The following NCAM2 variants were observed in gnomAD, a reference collection of about 807,000 sequenced individuals.
The protein encoded by NCAM2 is N-CAM-2.
NCAM2 carries 30 observed loss-of-function variants against 98.1 expected under a neutral mutation model. That is an observed-to-expected ratio of 0.31 (90% confidence interval 0.23 to 0.41). NCAM2 has a LOEUF of 0.41. Among genes scored for constraint, NCAM2 ranks in the 10% least tolerant of loss-of-function variants. NCAM2 has a pLI of 1.00. For synonymous variants in NCAM2, 368 were observed against 342.4 expected, an observed-to-expected ratio of 1.07 and a Z score of -0.83; for missense variants, 867 against 1,005.8, an observed-to-expected ratio of 0.86 and a Z score of 1.87.
rs1232212990 is a variant in NCAM2, at chr21:21,500,468, T to C, written c.2078-8383T>C. On this transcript the variant is annotated intron_variant, in intron 15 of 17. Coordinates refer to ENST00000400546, the MANE Select transcript of NCAM2 (RefSeq NM_004540.5). ...GAAATAGTGTTACATTGTGCTCGGATTGCTAGTATCAGTGGTTCCATATAA... is the reference window on the plus strand; with the variant it reads ...GAAATAGTGTTACATTGTGCTCGGACTGCTAGTATCAGTGGTTCCATATAA... 4.6e-5 allele frequency among the ~76,000 whole-genome samples: 7 copies of C among 152,154 alleles called. No homozygotes were observed. The East Asian group carries it at 1.3e-3, about 29-fold the overall frequency.
intron 1 of NCAM2, among the ~76,000 whole-genome samples, chr21:21,095,112 T>TA (rs1176327314): frequency 6.6e-6 from 1 of 151,718 alleles, no homozygotes; most frequent in Non-Finnish European, 1.5e-5. Flanking sequence ...GGTTATGGCT[T>TA]ATGTTTTTAA....
chr21:21,355,425 G>T (rs2075445277), intron 8 of NCAM2, among the ~76,000 whole-genome samples: 1 of 132,026 alleles, frequency 7.6e-6, no homozygotes, highest in African/African-American at 2.9e-5. Context: ...TCCTGCCACT[G>T]CACTCCAGCC....
At chr21:21,467,100 A>G (rs901306215) in intron 13 of NCAM2, among the ~76,000 whole-genome samples, 1 of 151,892 alleles carries the variant, frequency 6.6e-6, no homozygotes, top group African/African-American at 2.4e-5. Flanking sequence ...AGGCCTGACT[A>G]TTGACCTTGT....
At chr21:21,392,701 G>C (rs1000312358) in intron 9 of NCAM2, among the ~76,000 whole-genome samples, 1 of 152,188 alleles carries the variant, frequency 6.6e-6, no homozygotes, top group Non-Finnish European at 1.5e-5. Context: ...CTAATGATCA[G>C]TGATATTGAG....
intron 12 of NCAM2, among the ~76,000 whole-genome samples, chr21:21,456,022 C>A (rs1011538636): frequency 6.6e-6 from 1 of 152,040 alleles, no homozygotes; most frequent in Non-Finnish European, 1.5e-5. Context: ...GAAACAAAAA[C>A]CTGCCTAGTG....
At chr21:21,389,729 A>G (rs2076341127) in intron 9 of NCAM2, among the ~76,000 whole-genome samples, 1 of 152,130 alleles carries the variant, frequency 6.6e-6, no homozygotes, top group Admixed American at 6.6e-5. Context: ...TTTCGTCTAT[A>G]TTGCTGCAAA....
At position 21,177,573 on chromosome 21, in the gene NCAM2, A is replaced by G. The variant is rs142651198; in HGVS notation, c.56-103005A>G. On this transcript the variant is annotated intron_variant, in intron 1 of 17. Transcript: ENST00000400546. ...TCTATGAATAGCACATGTCACATATATATATTTAAAGTCAGTAAAGTGAAA... is the reference window on the plus strand; with the variant it reads ...TCTATGAATAGCACATGTCACATATGTATATTTAAAGTCAGTAAAGTGAAA... Among the ~76,000 whole-genome samples the G allele has an allele frequency of 1.4e-4, 21 of 152,204 alleles. No individual in the cohort carries two copies. In the East Asian group the frequency reaches 3.7e-3, roughly 27 times the overall value.
intron 10 of NCAM2, among the ~76,000 whole-genome samples, chr21:21,417,833 A>G (rs750693726): frequency 6.6e-6 from 1 of 152,080 alleles, no homozygotes; most frequent in Non-Finnish European, 1.5e-5. Context: ...GTGCCTGTCT[A>G]TGAGTATTGT....
intron 12 of NCAM2, among the ~76,000 whole-genome samples, chr21:21,450,232 A>G (rs1980818200): frequency 6.6e-6 from 1 of 152,034 alleles, no homozygotes; most frequent in Non-Finnish European, 1.5e-5. Context: ...GTGTATATAT[A>G]CACATTATAT....
chr21:21,308,031 A>G (rs776145185), intron 5 of NCAM2, among the ~76,000 whole-genome samples: 3 of 150,730 alleles, frequency 2.0e-5, no homozygotes, highest in Non-Finnish European at 4.4e-5. Flanking sequence ...GGGAAGAGAC[A>G]TTATTCTTCC....
chr21:21,031,381 T>C (rs1026059752), intron 1 of NCAM2, among the ~76,000 whole-genome samples: 2 of 152,154 alleles, frequency 1.3e-5, no homozygotes, highest in African/African-American at 4.8e-5. Context: ...ACACAACTGA[T>C]TAGTAATAGA....
At chr21:21,197,566 A>G (rs556329006) in intron 1 of NCAM2, among the ~76,000 whole-genome samples, 5 of 152,210 alleles carry the variant, frequency 3.3e-5, no homozygotes, top group Non-Finnish European at 7.3e-5. Context: ...GCATAAAGCC[A>G]TATGTTAAGA....
At chr21:21,082,142 C>A (rs908520620) in intron 1 of NCAM2, among the ~76,000 whole-genome samples, 12 of 146,442 alleles carry the variant, frequency 8.2e-5, no homozygotes, top group African/African-American at 2.4e-4. Flanking sequence ...ACAGGAGAAT[C>A]GCTTGAACCC....
intron 5 of NCAM2, among the ~76,000 whole-genome samples, chr21:21,295,158 A>C (rs1049458147): frequency 1.3e-5 from 2 of 151,728 alleles, no homozygotes; most frequent in Non-Finnish European, 2.9e-5. Flanking sequence ...TTCCTTGTCA[A>C]ATCTTGGCCT....
At chr21:21,507,260 G>T (rs1988039594) in intron 15 of NCAM2, among the ~76,000 whole-genome samples, 2 of 151,936 alleles carry the variant, frequency 1.3e-5, no homozygotes, top group South Asian at 2.1e-4. Flanking sequence ...ATTTCCTTTG[G>T]ATCACTATTT....
chr21:21,442,277 G>A (rs1490333333), intron 12 of NCAM2, among the ~76,000 whole-genome samples: 1 of 152,142 alleles, frequency 6.6e-6, no homozygotes, highest in Non-Finnish European at 1.5e-5. Context: ...AGGCAGTTGA[G>A]GAGGGATGGG....
intron 1 of NCAM2, among the ~76,000 whole-genome samples, chr21:21,044,327 A>G (rs932828756): frequency 1.3e-5 from 2 of 152,174 alleles, no homozygotes; most frequent in Admixed American, 1.3e-4. Flanking sequence ...CTTATAGCAG[A>G]TTTGTGCTCA....
At chr21:21,276,079 T>G (rs2147465630) in intron 1 of NCAM2, among the ~76,000 whole-genome samples, 1 of 152,260 alleles carries the variant, frequency 6.6e-6, no homozygotes, top group Non-Finnish European at 1.5e-5. Context: ...TATCCTTTTA[T>G]AACAATATCT....
At chr21:21,147,171 C>T (rs1432322308) in intron 1 of NCAM2, 3 of 972,774 alleles carry the variant, frequency 3.1e-6, no homozygotes, top group Non-Finnish European at 3.6e-6. Flanking sequence ...CACACCGGAG[C>T]TGGTACCGCT....
Sources: allele counts gnomAD v4.1 joint callset (sites outside exome capture counted in the v4.1 genomes callset), GRCh38; gene constraint gnomAD v4.1.1; transcripts MANE v1.5; gene names NCBI Gene and HGNC (gene_info 2026-07-23, HGNC 2026-07-21).